RAPGEF4: variants seen among roughly 807,000 people sequenced by gnomAD.
RAPGEF4 encodes the protein Rap guanine nucleotide exchange factor 4, also known as RAP guanine-nucleotide-exchange factor (GEF) 4.
In RAPGEF4, 66 loss-of-function variants were observed where a neutral mutation model predicts 147.9. The ratio of observed to expected loss-of-function variants is 0.45; its 90% CI spans 0.37 to 0.55. The LOEUF (loss-of-function observed/expected upper bound fraction) is 0.55, where lower values mean the gene tolerates loss of function less well. Ranked by LOEUF, RAPGEF4 falls within the 20% of genes least tolerant of loss-of-function variation. The pLI is 0.00. For missense variants in RAPGEF4, 1,071 were observed against 1,257.3 expected, an observed-to-expected ratio of 0.85 and a Z score of 2.24; for synonymous variants, 419 against 442.7, an observed-to-expected ratio of 0.95 and a Z score of 0.67.
intron 4 of RAPGEF4, among the ~76,000 whole-genome samples, chr2:172,900,313 T>C (rs1698937226): frequency 6.6e-6 from 1 of 152,164 alleles, no homozygotes; most frequent in Non-Finnish European, 1.5e-5. Context: ...GATCATAGCT[T>C]ACCCTAACTT....
intron 10 of RAPGEF4, among the ~76,000 whole-genome samples, chr2:172,975,066 T>G (rs563572400): frequency 1.3e-5 from 2 of 152,366 alleles, no homozygotes; most frequent in South Asian, 4.1e-4. Flanking sequence ...GATGCCCGGT[T>G]AAATTGGAAT....
intron 4 of RAPGEF4, among the ~76,000 whole-genome samples, chr2:172,840,417 TCAA>T (rs1416224981): frequency 6.6e-6 from 1 of 152,220 alleles, no homozygotes; most frequent in Admixed American, 6.5e-5. Context: ...TGTTTCCACT[TCAA>T]CATCTGCACA....
At chr2:172,798,648 C>CTTTTTTTTTTTTTTTTTTTTTTTTTGAG (rs1268901656) in intron 3 of RAPGEF4, among the ~76,000 whole-genome samples, 157 of 151,878 alleles carry the variant, frequency 1.0e-3, no homozygotes, top group East Asian at 2.1e-3. Context: ...GAGGCTTTTT[C>CTTTTTTTTTTTTTTTTTTTTTTTTTGAG]ATAGGTAGCA....
chr2:172,965,610 A>G lies in RAPGEF4; in HGVS notation c.747A>G (p.Thr249=), dbSNP rs1202835655. Residue 249 remains threonine (T), a synonymous_variant, in exon 9 of 31, where the codon ACA becomes ACG. Coordinates refer to ENST00000397081, the MANE Select transcript of RAPGEF4 (RefSeq NM_007023.4). ...TELVDWMMQQ[T]PCVHSRTQAV... The stretch of plus-strand genomic sequence containing the variant: ...TGGTGGACTGGATGATGCAGCAGAC[A>G]CCATGTGTTCACTCCCGGACTCAAG... 6.2e-7 allele frequency: 1 copy of G among 1,613,734 alleles called. No individual in the cohort carries two copies. Among genetic ancestry groups the G allele is most frequent in the East Asian group, 2.2e-5 (1 of 44,882 alleles).
Position 172,961,129 on chromosome 2 carries a change from C to T in RAPGEF4, c.599C>T (p.Ser200Leu). The T allele has an allele frequency of 6.2e-7, 1 of 1,605,438 alleles. No homozygotes were observed. The highest frequency in any genetic ancestry group is 8.5e-7 in the Non-Finnish European group (1 of 1,172,086). The change falls in exon 8 of 31, where the codon TCA (serine) becomes TTA (leucine). Residue 200 changes from serine (S) to leucine (L), a missense_variant. Physicochemically the swap from Ser to Leu is moderately radical, Grantham distance 145 (BLOSUM62 -2). Coordinates refer to ENST00000397081, the MANE Select transcript of RAPGEF4 (RefSeq NM_007023.4). ...CACCTGATTACAATCCAGGTCCCTTCAGAGAAGATCCTCAGAGCTGGAAAA... is the reference window on the plus strand; with the variant it reads ...CACCTGATTACAATCCAGGTCCCTTTAGAGAAGATCCTCAGAGCTGGAAAA... ...RPANTITKVP[S>L]EKILRAGKIL... is the part of the protein sequence containing the mutation.
chr2:172,818,891 T>C (rs1030756799), intron 4 of RAPGEF4, among the ~76,000 whole-genome samples: 3 of 152,248 alleles, frequency 2.0e-5, no homozygotes, highest in Non-Finnish European at 2.9e-5. Flanking sequence ...TTTGAAATCC[T>C]ATTTAATTCT....
rs1320623357 is a variant in RAPGEF4 at position 173,042,891 on chromosome 2, A to G, written c.2854-5709A>G. ...ATACCACATACCGTAAGCATCATGC[A>G]TGTGTTACACATGCGTATCTGCATG... On this transcript the variant is annotated intron_variant, in intron 29 of 30. Coordinates refer to ENST00000397081, the MANE Select transcript of RAPGEF4 (RefSeq NM_007023.4). The surrounding 1 kb of genome is among the most constrained non-coding windows in gnomAD (Gnocchi z 4.2). Among the ~76,000 whole-genome samples, 3 of 152,236 alleles carry G rather than the reference A, an allele frequency of 2.0e-5. No individual in the cohort carries two copies. The highest frequency in any genetic ancestry group is 7.2e-5 in the African/African-American group (3 of 41,464).
In RAPGEF4 at chr2:172,856,877, C is replaced by T. The variant is rs151306717; in HGVS notation, c.444+42452C>T. ...ACAGGCTTTTATCTGACTCTGGCCA[C>T]ACTGTGGAACTGACTGGGCCTTGTC... is the stretch of plus-strand genomic sequence containing the variant. On this transcript the variant is annotated intron_variant, in intron 4 of 30. Transcript: ENST00000397081. Among the ~76,000 whole-genome samples, 986 of 152,210 alleles carry T rather than the reference C, an allele frequency of 6.5e-3. 5 individuals carry two copies. The highest frequency in any genetic ancestry group is 9.8e-3 in the Non-Finnish European group (665 of 68,006).
At position 172,766,649 on chromosome 2, in the gene RAPGEF4, G is replaced by A. The variant is rs1485439322; in HGVS notation, c.66-28376G>A. On this transcript the variant is annotated intron_variant, in intron 1 of 30. Transcript: ENST00000397081. Reference sequence around the variant, plus strand: ...ACCCATCACCCCTAAGTCCCCTGGGGCCTCGTTATGTTCCCTGCCTCCAGC... The same window carrying A: ...ACCCATCACCCCTAAGTCCCCTGGGACCTCGTTATGTTCCCTGCCTCCAGC... Among the ~76,000 whole-genome samples, 5 of 152,158 alleles carry A rather than the reference G, an allele frequency of 3.3e-5. No homozygotes were observed. In the South Asian group the frequency reaches 6.2e-4, roughly 19 times the overall value.
At chr2:172,763,563 G>A (rs1331791489) in intron 1 of RAPGEF4, among the ~76,000 whole-genome samples, 1 of 152,162 alleles carries the variant, frequency 6.6e-6, no homozygotes, top group Non-Finnish European at 1.5e-5. Flanking sequence ...AGGGTCTTAT[G>A]TACACAGTAC....
At chr2:173,010,523 G>T (rs2105863395) in intron 17 of RAPGEF4, among the ~76,000 whole-genome samples, 1 of 152,262 alleles carries the variant, frequency 6.6e-6, no homozygotes, top group African/African-American at 2.4e-5. Context: ...TGAACATGCT[G>T]TATTTGAAAT....
At chr2:172,804,064 A>G (rs1290031019) in intron 3 of RAPGEF4, among the ~76,000 whole-genome samples, 1 of 152,086 alleles carries the variant, frequency 6.6e-6, no homozygotes, top group Admixed American at 6.6e-5. Flanking sequence ...TCAAGATGAG[A>G]TTTGGGTGGG....
chr2:172,995,911 C>T (rs1318672015), intron 15 of RAPGEF4, among the ~76,000 whole-genome samples: 1 of 152,128 alleles, frequency 6.6e-6, no homozygotes, highest in Non-Finnish European at 1.5e-5. Flanking sequence ...TGTTTGTTTG[C>T]TCATCAGTGT....
At chr2:172,981,460 C>T (rs1239323444) in intron 10 of RAPGEF4, among the ~76,000 whole-genome samples, 1 of 152,234 alleles carries the variant, frequency 6.6e-6, no homozygotes. Flanking sequence ...CCTGTGGCCA[C>T]AGCTTTTCTT....
At chr2:172,746,140 A>G (rs953135989) in intron 1 of RAPGEF4, among the ~76,000 whole-genome samples, 1 of 152,218 alleles carries the variant, frequency 6.6e-6, no homozygotes, top group African/African-American at 2.4e-5. Flanking sequence ...TCCAATAGAT[A>G]CCTGGAATCA....
Position 172,927,859 on chromosome 2 carries a change from A to G in RAPGEF4, c.537+5559A>G, listed in dbSNP as rs955864681. Among the ~76,000 whole-genome samples, 47 of 152,210 alleles carry G rather than the reference A, an allele frequency of 3.1e-4. 1 individual carries two copies. The highest frequency in any genetic ancestry group is 9.6e-4 in the African/African-American group (40 of 41,462). On this transcript the variant is annotated intron_variant, in intron 6 of 30. Coordinates refer to ENST00000397081, the MANE Select transcript of RAPGEF4 (RefSeq NM_007023.4). ...TTGTGTCCCTCTGCTCTAGGGTACC[A>G]GTGGCCTCACTAGTGCCATTACCGT... is the stretch of plus-strand genomic sequence containing the variant.
At chr2:172,818,566 G>A (rs1688738761) in intron 4 of RAPGEF4, among the ~76,000 whole-genome samples, 1 of 151,948 alleles carries the variant, frequency 6.6e-6, no homozygotes, top group South Asian at 2.1e-4. Flanking sequence ...TGTCCTGGTG[G>A]GCTCATTTCA....
At chr2:173,004,725 T>G (rs907782768) in intron 17 of RAPGEF4, among the ~76,000 whole-genome samples, 2 of 152,082 alleles carry the variant, frequency 1.3e-5, no homozygotes, top group Non-Finnish European at 2.9e-5. Flanking sequence ...AGAGCAAAGT[T>G]CACCTGGCAT....
At chr2:173,033,096 T>C (rs1158140293) in intron 26 of RAPGEF4, among the ~76,000 whole-genome samples, 1 of 150,504 alleles carries the variant, frequency 6.6e-6, no homozygotes, top group African/African-American at 2.5e-5. Flanking sequence ...GGTGTAGATA[T>C]GTGGGTGCAG....
Sources: allele counts gnomAD v4.1 joint callset (sites outside exome capture counted in the v4.1 genomes callset), GRCh38; gene constraint gnomAD v4.1.1; non-coding constraint Gnocchi (gnomAD v3.1); transcripts MANE v1.5; gene names NCBI Gene and HGNC (gene_info 2026-07-23, HGNC 2026-07-21).